Variants in ADGRE2 observed in about 807,000 individuals in gnomAD.
ADGRE2 encodes adhesion G protein-coupled receptor E2, also known as CD97 antigen.
A neutral mutation model predicts 100.8 loss-of-function variants in ADGRE2; 83 were observed. That is an observed-to-expected ratio of 0.82 (90% CI 0.69 to 0.99). The LOEUF is 0.99. Ranked by LOEUF, ADGRE2 falls within the 50% of genes least tolerant of loss-of-function variation. ADGRE2 has a pLI of 0.00. For synonymous variants in ADGRE2, 355 were observed against 413.0 expected, an observed-to-expected ratio of 0.86 and a Z score of 1.70; for missense variants, 814 against 1,035.7, an observed-to-expected ratio of 0.79 and a Z score of 2.94.
At chr19:14,759,416 C>A (rs1245518023) in intron 11 of ADGRE2, among the ~76,000 whole-genome samples, 1 of 151,692 alleles carries the variant, frequency 6.6e-6, no homozygotes, top group Non-Finnish European at 1.5e-5. Flanking sequence ...TTTTTCACTC[C>A]TGTATCACTG....
At chr19:14,746,794 G>T in intron 17 of ADGRE2, 102 bp downstream of exon 17, 2 of 1,019,684 alleles carry the variant, frequency 2.0e-6, no homozygotes, top group South Asian at 2.9e-5. Flanking sequence ...CCCAACCCAT[G>T]ACAACCCAGG....
Position 14,772,563 on chromosome 19 carries a change from G to A in ADGRE2, c.200-66C>T, listed in dbSNP as rs11878995. On this transcript the variant is annotated intron_variant, in intron 4 of 20. Transcript: ENST00000315576. ...GAGTTCCGTCAGGGCAGAGACCCCCGTCCTGACTCCCCAACATGGGGCCTG... is the reference window on the plus strand; with the variant it reads ...GAGTTCCGTCAGGGCAGAGACCCCCATCCTGACTCCCCAACATGGGGCCTG... 9,368 of 1,576,412 alleles carry A rather than the reference G, an allele frequency of 5.9e-3. 558 individuals carry two copies. In the African/African-American group the frequency reaches 0.11, roughly 19 times the overall value.
chr19:14,735,239 C>T lies in ADGRE2; in HGVS notation c.*997G>A, dbSNP rs1382297420. 6.6e-6 allele frequency: 1 copy of T among 152,174 alleles called. No homozygotes were observed. Among genetic ancestry groups the T allele is most frequent in the East Asian group, 1.9e-4 (1 of 5,192 alleles). 9.4% of individuals were successfully genotyped at this position (152,174 alleles called of 1,614,324 possible). ...TTTCTCCTTAACTCCTATATCATCA[C>T]CATGCTTGGCTAATTTTTAATTTTT... On this transcript the variant is annotated 3_prime_UTR_variant, in exon 21 of 21. Coordinates refer to ENST00000315576, the MANE Select transcript of ADGRE2 (RefSeq NM_013447.4).
chr19:14,724,421 C>G, the ADGRE2 span, among the ~76,000 whole-genome samples: 6 of 152,132 alleles, frequency 3.9e-5, no homozygotes, highest in Non-Finnish European at 7.4e-5. Flanking sequence ...ATGGCTCACA[C>G]GAGGATGGGT....
rs138608973 is a variant in ADGRE2 at position 14,766,095 on chromosome 19, T to C, written c.634+140A>G. 5.4e-3 allele frequency: 8,030 copies of C among 1,483,272 alleles called. 436 individuals are homozygous for C. The African/African-American group carries it at 0.1, about 19-fold the overall frequency. 91.9% of individuals were successfully genotyped at this position (1,483,272 alleles called of 1,614,324 possible). On this transcript the variant is annotated intron_variant, in intron 7 of 20. Transcript: ENST00000315576. Reference sequence around the variant, plus strand: ...TCCTTCCGCAGGACCCTTGCTCTTTTCTCATCTAGCCTCAGAAGAATGAAC... The same window carrying C: ...TCCTTCCGCAGGACCCTTGCTCTTTCCTCATCTAGCCTCAGAAGAATGAAC...
In ADGRE2 at chr19:14,743,625, G is replaced by A. The variant is rs2042995345; in HGVS notation, c.2343C>T (p.Leu781=). The change falls in exon 19 of 21, where the codon CTC becomes CTT. Residue 781 remains leucine (L), a synonymous_variant. Transcript: ENST00000315576. ...AGCTGGGCAGTGGTACCTGCTGGCT[G>A]AGGAGGCAGTACACCAGGAAGATGA... ...GVFIFLVYCL[L]SQQVREQYGK... is the part of the protein sequence containing the mutation. 1.2e-6 allele frequency: 2 copies of A among 1,614,202 alleles called. No individual in the cohort carries two copies. Among genetic ancestry groups the A allele is most frequent in the African/African-American group, 2.7e-5 (2 of 75,060 alleles).
intron 11 of ADGRE2, among the ~76,000 whole-genome samples, chr19:14,759,172 A>G (rs2147317232): frequency 6.6e-6 from 1 of 152,228 alleles, no homozygotes; most frequent in African/African-American, 2.4e-5. Context: ...GTTGACAAAG[A>G]TAAAGGAAGA....
At chr19:14,774,384 G>C in intron 2 of ADGRE2, 78 bp from the exon 3 acceptor site, 1 of 1,430,898 alleles carries the variant, frequency 7.0e-7, no homozygotes, top group Non-Finnish European at 9.5e-7. Context: ...CACTTTGTGG[G>C]AGGAGGATGC....
chr19:14,751,568 A>G lies in ADGRE2; in HGVS notation c.1892T>C (p.Leu631Pro). The G allele has an allele frequency of 6.2e-7, 1 of 1,614,122 alleles. No individual in the cohort carries two copies. ...GATGCTTGAGTAGTTGACCACCGTC[A>G]GGTTCCGTGCAGTGAGGAAGAGGTA... ...ALYLFLTARN[L>P]TVVNYSSINR... The change falls in exon 16 of 21, where the codon CTG becomes CCG. Residue 631 changes from leucine to proline, a missense_variant. Physicochemically the swap from Leu to Pro is moderately conservative, Grantham distance 98 (BLOSUM62 -3). This residue lies in a region of ADGRE2 where 569 missense variants were observed against 692.7 expected (regional missense o/e 0.82). Transcript: ENST00000315576.
chr19:14,725,799 C>A, the ADGRE2 span, among the ~76,000 whole-genome samples: 2 of 152,208 alleles, frequency 1.3e-5, no homozygotes, highest in African/African-American at 2.4e-5. Context: ...CAGGGTGCAA[C>A]CCCCATGGCT....
chr19:14,734,184 G>A lies in ADGRE2; in HGVS notation c.*2052C>T, dbSNP rs1458139474. On this transcript the variant is annotated 3_prime_UTR_variant, in exon 21 of 21. Transcript: ENST00000315576. ...CTGTTAGTGGGATGGCCTCAGGCAA[G>A]TCACTTAACATTCAGGATCTCAATT... The A allele has an allele frequency of 2.0e-5, 3 of 152,222 alleles. No homozygotes were observed. The highest frequency in any genetic ancestry group is 2.0e-4 in the Admixed American group (3 of 15,268). 9.4% of individuals were successfully genotyped at this position (152,222 alleles called of 1,614,324 possible). A position where few individuals can be genotyped will look rare whatever the true frequency, so the allele number is the denominator to read the frequency against.
rs201737809 is a variant in ADGRE2 at position 14,755,744 on chromosome 19, G to T, written c.1326C>A (p.Pro442=). 115 of 1,614,156 alleles carry T rather than the reference G, an allele frequency of 7.1e-5. No individual in the cohort carries two copies. The highest frequency in any genetic ancestry group is 9.2e-5 in the Non-Finnish European group (109 of 1,180,014). ...THQGLLQDGS[P]ILLSDVISAF... ...CAGAGATCACATCTGAGAGCAGGAT[G>T]GGGGAGCCGTCCTGCAGCAAGCCCT... Residue 442 remains proline (P), a synonymous_variant, in exon 13 of 21, where the codon CCC becomes CCA. Coordinates refer to ENST00000315576, the MANE Select transcript of ADGRE2 (RefSeq NM_013447.4).
intron 4 of ADGRE2, among the ~76,000 whole-genome samples, chr19:14,773,080 C>CAAAAAAAAAAAAAAAAAAA (rs35688921): frequency 1.1e-4 from 5 of 45,834 alleles, no homozygotes; most frequent in African/African-American, 4.2e-4. Context: ...GACTCCATCT[C>CAAAAAAAAAAAAAAAAAAA]AAAAAAAAAA....
chr19:14,769,545 T>C (rs1599873833), intron 5 of ADGRE2, among the ~76,000 whole-genome samples: 1 of 152,096 alleles, frequency 6.6e-6, no homozygotes. Context: ...AAGAGGCAGG[T>C]CCTGCTCCGA....
intron 4 of ADGRE2, among the ~76,000 whole-genome samples, chr19:14,772,994 G>C (rs1031897416): frequency 6.9e-6 from 1 of 144,192 alleles, no homozygotes; most frequent in East Asian, 2.1e-4. Context: ...CAGAAGAATC[G>C]CTTGAACCTG....
At chr19:14,776,141 T>A (rs2044428711) in intron 2 of ADGRE2, among the ~76,000 whole-genome samples, 1 of 151,994 alleles carries the variant, frequency 6.6e-6, no homozygotes, top group Non-Finnish European at 1.5e-5. Context: ...CACCAGGGGC[T>A]TTAGAGATGG....
In ADGRE2 at chr19:14,773,943, C is replaced by G. The variant is rs371292166; in HGVS notation, c.194G>C (p.Cys65Ser). 2.2e-5 allele frequency: 36 copies of G among 1,614,150 alleles called. 1 individual carries two copies. In the South Asian group the frequency reaches 2.3e-4, roughly 10 times the overall value. The change falls in exon 4 of 21, where the codon TGT (cysteine) becomes TCT (serine). Residue 65 changes from cysteine to serine, a missense_variant. Around this residue, in one of 5 missense-constraint regions of ADGRE2, gnomAD observed 143 missense variants for 160.3 expected, o/e 0.89. Coordinates refer to ENST00000315576, the MANE Select transcript of ADGRE2 (RefSeq NM_013447.4). Reference sequence around the variant, plus strand: ...CTGCCCTCAAGCCTCTGTACCGTCACAAGTCTCCATGGGGGTGGTGATGAT... The same window carrying G: ...CTGCCCTCAAGCCTCTGTACCGTCAGAAGTCTCCATGGGGGTGGTGATGAT... Reference protein sequence around the residue: ...SEIITTPMETCDDINECATLS... With the variant: ...SEIITTPMETSDDINECATLS...
rs917924787 is a variant in ADGRE2, at chr19:14,735,311, A to G, written c.*925T>C. On this transcript the variant is annotated 3_prime_UTR_variant, in exon 21 of 21. Transcript: ENST00000315576. ...CACTCTGTTGCCCACACTGGTCTCA[A>G]ACTCCTGGGCTTGAGCCATCCTCCT... The G allele has an allele frequency of 2.0e-5, 3 of 152,044 alleles. No individual in the cohort carries two copies. Among genetic ancestry groups the G allele is most frequent in the Non-Finnish European group, 4.4e-5 (3 of 68,068 alleles). 9.4% of individuals were successfully genotyped at this position (152,044 alleles called of 1,614,324 possible).
chr19:14,760,552 C>G lies in ADGRE2; in HGVS notation c.1084+3881G>C, dbSNP rs139002983. Among the ~76,000 whole-genome samples, 236 of 151,950 alleles carry G rather than the reference C, an allele frequency of 1.6e-3. 1 individual carries two copies. The highest frequency in any genetic ancestry group is 5.5e-3 in the African/African-American group (226 of 41,422). ...AGTATATACCCCAAAGAACTGAAGA[C>G]AGTTATTCAACCCAAAATGTGTCCA... On this transcript the variant is annotated intron_variant, in intron 11 of 20. Coordinates refer to ENST00000315576, the MANE Select transcript of ADGRE2 (RefSeq NM_013447.4).
Sources: allele counts gnomAD v4.1 joint callset (sites outside exome capture counted in the v4.1 genomes callset), GRCh38; gene constraint gnomAD v4.1.1; regional missense constraint gnomAD v4.1.1; transcripts MANE v1.5; gene names NCBI Gene and HGNC (gene_info 2026-07-23, HGNC 2026-07-21).